The following ANK3 variants were observed in gnomAD, a reference collection of about 807,000 sequenced individuals.
ANK3 encodes ankyrin-3.
In ANK3, 57 loss-of-function variants were observed where a neutral mutation model predicts 370.9. The observed-to-expected ratio is 0.15, with a 90% CI of 0.12 to 0.19. The LOEUF (loss-of-function observed/expected upper bound fraction) is 0.19. Ranked by LOEUF, ANK3 falls within the 10% of genes least tolerant of loss-of-function variation. The probability of loss-of-function intolerance (pLI) is 1.00; values close to 1 mark genes in which losing one functional copy is unlikely to be tolerated. For missense variants in ANK3, 4,439 were observed against 5,302.1 expected (o/e 0.84, Z 5.06); for synonymous variants, 1,929 against 1,946.3 (o/e 0.99, Z 0.23).
chr10:60,183,268 G>GTCT (rs1257293720), intron 17 of ANK3, among the ~76,000 whole-genome samples: 2 of 152,018 alleles, frequency 1.3e-5, no homozygotes, highest in Non-Finnish European at 2.9e-5. Flanking sequence ...TTTCTTGCTT[G>GTCT]TCTTCCTCAA....
At chr10:60,176,190 A>AAAAC (rs1327651474) in intron 18 of ANK3, among the ~76,000 whole-genome samples, 24 of 120,172 alleles carry the variant, frequency 2.0e-4, no homozygotes, top group African/African-American at 8.0e-4. Context: ...AAAAAAAAAA[A>AAAAC]AAAAACAAAA....
upstream of ANK3, among the ~76,000 whole-genome samples, chr10:60,391,241 G>C (rs1323689699): frequency 1.3e-5 from 2 of 152,198 alleles, no homozygotes; most frequent in Admixed American, 6.5e-5. Context: ...AGTTACCAAG[G>C]GCCTACTATG....
intron 1 of ANK3, among the ~76,000 whole-genome samples, chr10:60,726,818 T>C (rs1377459914): frequency 1.3e-5 from 2 of 152,142 alleles, no homozygotes; most frequent in Non-Finnish European, 2.9e-5. Flanking sequence ...AATAAAGCTG[T>C]TTTTAAAAAC....
intron 9 of ANK3, among the ~76,000 whole-genome samples, chr10:60,209,532 A>G (rs2132446302): frequency 6.6e-6 from 1 of 152,282 alleles, no homozygotes; most frequent in Non-Finnish European, 1.5e-5. Context: ...AGCTTTGCAT[A>G]TACAGAAAGA....
In ANK3 at chr10:60,028,993, T is replaced by C. The variant is rs2072696728; in HGVS notation, c.*853A>G. 1 of 152,622 alleles carries C rather than the reference T, an allele frequency of 6.6e-6. No homozygotes were observed. Among genetic ancestry groups the C allele is most frequent in the South Asian group, 2.1e-4 (1 of 4,832 alleles). The allele number at this position is 152,622 out of a possible 1,614,324, so 9.5% of individuals were successfully genotyped here. On this transcript the variant is annotated 3_prime_UTR_variant, in exon 44 of 44. Transcript: ENST00000280772. ...GTAGTGTTTGCAAAATTGGAAAAGATTTAATCAAAATAAGGTGATACACAT... is the reference window on the plus strand; with the variant it reads ...GTAGTGTTTGCAAAATTGGAAAAGACTTAATCAAAATAAGGTGATACACAT...
rs558037896 is a variant in ANK3 at position 60,731,393 on chromosome 10, T to C, written c.57+1870A>G. Among the ~76,000 whole-genome samples, 118 of 152,326 alleles carry C rather than the reference T, an allele frequency of 7.7e-4. 1 individual carries two copies. Among genetic ancestry groups the C allele is most frequent in the Middle Eastern group, 6.8e-3 (2 of 294 alleles). ...CTGAAGGATCTTGAGCTACAATATCTGCTATGGAGTGTAACACATCACTGT... is the reference window on the plus strand; with the variant it reads ...CTGAAGGATCTTGAGCTACAATATCCGCTATGGAGTGTAACACATCACTGT... On this transcript the variant is annotated intron_variant, in intron 1 of 43. Transcript: ENST00000373827.
intron 1 of ANK3, among the ~76,000 whole-genome samples, chr10:60,353,158 GTTTT>G (rs1198062363): frequency 7.9e-6 from 1 of 126,096 alleles, no homozygotes; most frequent in Non-Finnish European, 1.7e-5. Context: ...TTTTTGTTTT[GTTTT>G]TTTTTTTTTT....
At chr10:60,572,860 T>A in intron 2 of ANK3, 1 of 1,059,656 alleles carries the variant, frequency 9.4e-7, no homozygotes, top group African/African-American at 1.7e-5. Flanking sequence ...TGCTTGTTCC[T>A]CCACAGTGAT....
At chr10:60,198,838 T>C (rs141351694) in intron 13 of ANK3, among the ~76,000 whole-genome samples, 1 of 152,284 alleles carries the variant, frequency 6.6e-6, no homozygotes, top group East Asian at 1.9e-4. Context: ...TAATTGCTCC[T>C]TCTTTGGGAG....
chr10:60,336,198 G>A (rs2052825547), intron 1 of ANK3, among the ~76,000 whole-genome samples: 1 of 152,120 alleles, frequency 6.6e-6, no homozygotes, highest in Non-Finnish European at 1.5e-5. Context: ...TAAAAGGGGA[G>A]AAGCAGGCAT....
At chr10:60,140,245 C>T (rs2094503595) in intron 23 of ANK3, 1 of 1,188,622 alleles carries the variant, frequency 8.4e-7, no homozygotes, top group Non-Finnish European at 1.3e-6. Context: ...TGCTGCTACC[C>T]AGTACCAAGA....
At chr10:60,094,727 GGT>G (rs2089706837) in intron 28 of ANK3, among the ~76,000 whole-genome samples, 1 of 23,852 alleles carries the variant, frequency 4.2e-5, no homozygotes, top group Non-Finnish European at 7.3e-5. Flanking sequence ...ATAGATAGTA[GGT>G]AAGTGTGAAA....
In ANK3 at chr10:60,179,871, C is replaced by T. The variant is rs1426052731; in HGVS notation, c.2184+1458G>A. 2.0e-5 allele frequency among the ~76,000 whole-genome samples: 3 copies of T among 152,074 alleles called. No homozygotes were observed. In the South Asian group the frequency reaches 6.2e-4, roughly 32 times the overall value. ...TAAGAATCCTCACCATACTCCCTGG[C>T]TGAATTTTAGGGCATGGCTTGGATG... On this transcript the variant is annotated intron_variant, in intron 18 of 43. Coordinates refer to ENST00000280772, the MANE Select transcript of ANK3 (RefSeq NM_020987.5).
At chr10:60,049,764 TG>T (rs1294958704) in intron 42 of ANK3, among the ~76,000 whole-genome samples, 1 of 152,214 alleles carries the variant, frequency 6.6e-6, no homozygotes, top group Non-Finnish European at 1.5e-5. Context: ...ATAGCTAACT[TG>T]CTGGTGCATA....
At chr10:60,724,996 C>T (rs567041457) in intron 1 of ANK3, among the ~76,000 whole-genome samples, 1 of 152,284 alleles carries the variant, frequency 6.6e-6, no homozygotes, top group South Asian at 2.1e-4. Flanking sequence ...TCCTTTTCAT[C>T]TCCATAGCCC....
intron 1 of ANK3, among the ~76,000 whole-genome samples, chr10:60,329,218 C>T (rs542430849): frequency 3.4e-4 from 52 of 152,154 alleles, no homozygotes; most frequent in African/African-American, 1.1e-3. Flanking sequence ...GCTTGAAAAC[C>T]GGCACAAGAC....
At chr10:60,147,247 C>T (rs968822984) in intron 23 of ANK3, among the ~76,000 whole-genome samples, 11 of 152,264 alleles carry the variant, frequency 7.2e-5, no homozygotes, top group African/African-American at 2.2e-4. Flanking sequence ...AAGCCCAGCT[C>T]ATCTCTGTAC....
intron 1 of ANK3, among the ~76,000 whole-genome samples, chr10:60,705,986 C>T (rs189579089): frequency 1.3e-3 from 191 of 152,062 alleles, no homozygotes; most frequent in African/African-American, 4.3e-3. Flanking sequence ...TCTTGCCTGG[C>T]TAATTTTTGT....
At chr10:60,389,103 T>C (rs1317284319) in intron 1 of ANK3, among the ~76,000 whole-genome samples, 1 of 152,126 alleles carries the variant, frequency 6.6e-6, no homozygotes, top group East Asian at 1.9e-4. Flanking sequence ...CATTTCACCT[T>C]GACTGGGCTG....
Sources: gnomAD v4.1 joint callset for allele counts (sites outside exome capture counted in the v4.1 genomes callset) on GRCh38, gnomAD v4.1.1 for gene constraint, MANE v1.5 for transcripts, NCBI Gene and HGNC (gene_info 2026-07-23, HGNC 2026-07-21) for gene names.